Variants in WNK1 observed in about 807,000 individuals in gnomAD.
WNK1 encodes WNK lysine deficient protein kinase 1, also known as serine/threonine-protein kinase WNK1.
A neutral mutation model predicts 222.8 loss-of-function variants in WNK1; 38 were observed. The observed-to-expected ratio is 0.17, with a 90% CI of 0.13 to 0.22. The LOEUF (loss-of-function observed/expected upper bound fraction) is 0.22, where lower values mean the gene tolerates loss of function less well. Among genes scored for constraint, WNK1 ranks in the 10% least tolerant of loss-of-function variants. The probability of loss-of-function intolerance (pLI) is 1.00; values close to 1 mark genes in which losing one functional copy is unlikely to be tolerated. For missense variants in WNK1, 2,348 were observed against 2,918.4 expected (o/e 0.80, Z 4.50); for synonymous variants, 1,090 against 1,092.9 (o/e 1.00, Z 0.05).
rs778874899 is a variant in WNK1, at chr12:859,293, A to G, written c.1449A>G (p.Thr483=). Residue 483 remains threonine (T), a synonymous_variant, in exon 6 of 28, where the codon ACA becomes ACG. Coordinates refer to ENST00000315939, the MANE Select transcript of WNK1 (RefSeq NM_018979.4). Reference sequence around the variant, plus strand: ...ACCATGCCTTCTTCCAAGAGGAAACAGGAGTACGGGTAGAATTAGCAGAAG... The same window carrying G: ...ACCATGCCTTCTTCCAAGAGGAAACGGGAGTACGGGTAGAATTAGCAGAAG... ...LLNHAFFQEE[T]GVRVELAEED... is the part of the protein sequence containing the mutation. 5 of 1,613,772 alleles carry G rather than the reference A, an allele frequency of 3.1e-6. No homozygotes were observed. The highest frequency in any genetic ancestry group is 1.3e-5 in the African/African-American group (1 of 74,922).
chr12:829,867 C>A (rs1451352753), intron 3 of WNK1, 136 bp from the exon 4 acceptor site: 1 of 888,054 alleles, frequency 1.1e-6, no homozygotes, highest in African/African-American at 1.7e-5. Context: ...TTTCCTTCCT[C>A]TTTTCTCCCC....
intron 4 of WNK1, among the ~76,000 whole-genome samples, chr12:852,892 A>T (rs1175094589): frequency 3.9e-5 from 6 of 152,194 alleles, no homozygotes; most frequent in African/African-American, 1.4e-4. Context: ...TAATCATTCC[A>T]TGTACACATT....
chr12:878,090 A>G (rs1952789180), intron 9 of WNK1, 122 bp from the exon 10 acceptor site: 1 of 1,285,396 alleles, frequency 7.8e-7, no homozygotes, highest in South Asian at 1.2e-5. Context: ...GGGTTTGTGC[A>G]TGTCTTGATT....
intron 9 of WNK1, among the ~76,000 whole-genome samples, chr12:877,101 T>A (rs958064023): frequency 3.6e-5 from 5 of 140,484 alleles, no homozygotes; most frequent in African/African-American, 1.3e-4. Context: ...TTCGATCTTG[T>A]TGCCCATGCT....
chr12:872,931 G>A (rs555111088), intron 9 of WNK1, among the ~76,000 whole-genome samples: 7 of 152,296 alleles, frequency 4.6e-5, no homozygotes, highest in East Asian at 1.9e-4. Flanking sequence ...CATTCACTCC[G>A]TGAACTGAAG....
intron 1 of WNK1, among the ~76,000 whole-genome samples, chr12:761,729 A>C (rs1003222801): frequency 1.4e-5 from 2 of 148,056 alleles, no homozygotes; most frequent in Non-Finnish European, 3.0e-5. Flanking sequence ...TTTGAGCTAC[A>C]TAACCTGATA....
intron 4 of WNK1, among the ~76,000 whole-genome samples, chr12:832,977 CCT>C (rs1322355964): frequency 6.6e-6 from 1 of 152,064 alleles, no homozygotes; most frequent in African/African-American, 2.4e-5. Context: ...TTATTATTCC[CCT>C]TTCTTCCCCT....
intron 1 of WNK1, among the ~76,000 whole-genome samples, chr12:759,785 C>T (rs1940762486): frequency 6.8e-6 from 1 of 147,742 alleles, no homozygotes; most frequent in African/African-American, 2.4e-5. Context: ...AATTGTGTCA[C>T]CTTGAGCAAG....
At chr12:821,041 A>AGTT (rs1947825298) in intron 2 of WNK1, among the ~76,000 whole-genome samples, 1 of 44,824 alleles carries the variant, frequency 2.2e-5, no homozygotes, top group African/African-American at 9.4e-5. Context: ...TAGTTTCTTG[A>AGTT]GTTTTTTTTT....
At position 846,048 on chromosome 12, in the gene WNK1, G is replaced by T. The variant is rs190496266; in HGVS notation, c.1312-11113G>T. On this transcript the variant is annotated intron_variant, in intron 4 of 27. Transcript: ENST00000315939. ...AATAGTAGTCAGAAACCAAGGTTCT[G>T]TTAACATGATACTAATACAAACATT... Among the ~76,000 whole-genome samples the T allele has an allele frequency of 3.7e-3, 560 of 152,314 alleles. 2 individuals are homozygous for T. The highest frequency in any genetic ancestry group is 0.01 in the Middle Eastern group (3 of 294).
intron 26 of WNK1, chr12:901,524 C>A: frequency 2.4e-6 from 3 of 1,273,024 alleles, no homozygotes; most frequent in Non-Finnish European, 3.1e-6. Context: ...TGTCTCTTCT[C>A]CTCTCTCTGT....
At chr12:790,159 A>G (rs1158224987) in intron 1 of WNK1, among the ~76,000 whole-genome samples, 1 of 152,250 alleles carries the variant, frequency 6.6e-6, no homozygotes. Context: ...CACTCTTGCG[A>G]GATGGGGAAG....
At chr12:856,071 C>G (rs1950762744) in intron 4 of WNK1, among the ~76,000 whole-genome samples, 2 of 151,826 alleles carry the variant, frequency 1.3e-5, no homozygotes, top group African/African-American at 4.8e-5. Flanking sequence ...ATCTCTTGAC[C>G]TCGTGATCTG....
Position 877,984 on chromosome 12 carries a change from A to G in WNK1, c.2224-228A>G, listed in dbSNP as rs564042037. ...GATAATTGGGTGAAGAGCCAATGGT[A>G]ACTTGAGTATTAAAAGATTGGTTAA... On this transcript the variant is annotated intron_variant, in intron 9 of 27. Transcript: ENST00000315939. The G allele has an allele frequency of 5.3e-6, 3 of 562,476 alleles. No individual in the cohort carries two copies. The East Asian group carries it at 9.6e-5, about 18-fold the overall frequency. 34.8% of individuals were successfully genotyped at this position (562,476 alleles called of 1,614,324 possible). A position where few individuals can be genotyped will look rare whatever the true frequency, so the allele number is the denominator to read the frequency against.
In WNK1 at chr12:787,901, C is replaced by G. The variant is rs538866772; in HGVS notation, c.760-25741C>G. ...ATCAGGTTTCTCCAAGGCAACAAAA[C>G]CATTAGGAGATTTTGTATATAACAG... On this transcript the variant is annotated intron_variant, in intron 1 of 27. Coordinates refer to ENST00000315939, the MANE Select transcript of WNK1 (RefSeq NM_018979.4). Among the ~76,000 whole-genome samples the G allele has an allele frequency of 2.0e-5, 3 of 152,196 alleles. No homozygotes were observed. In the South Asian group the frequency reaches 6.2e-4, roughly 32 times the overall value.
Position 906,293 on chromosome 12 carries a change from C to T in WNK1, c.6644-1554C>T, listed in dbSNP as rs72650800. ...ACTCTTCTTTCCCTCTTCCCCAAAA[C>T]GTGCCTCTTGGAATAATCTTCAGTG... On this transcript the variant is annotated intron_variant, in intron 26 of 27. Coordinates refer to ENST00000315939, the MANE Select transcript of WNK1 (RefSeq NM_018979.4). 6.4e-3 allele frequency: 6,293 copies of T among 984,384 alleles called. 22 individuals are homozygous for T. The highest frequency in any genetic ancestry group is 8.4e-3 in the Middle Eastern group (16 of 1,914). The allele number at this position is 984,384 out of a possible 1,614,324, so 61.0% of individuals were successfully genotyped here.
Position 884,549 on chromosome 12 carries a change from A to G in WNK1, c.3845-100A>G, listed in dbSNP as rs1489027117. 1.7e-5 allele frequency: 22 copies of G among 1,265,250 alleles called. No individual in the cohort carries two copies. Among genetic ancestry groups the G allele is most frequent in the Non-Finnish European group, 2.4e-5 (21 of 886,864 alleles). The allele number at this position is 1,265,250 out of a possible 1,614,324, so 78.4% of individuals were successfully genotyped here. On this transcript the variant is annotated intron_variant, in intron 18 of 27. Coordinates refer to ENST00000315939, the MANE Select transcript of WNK1 (RefSeq NM_018979.4). This position sits in a 1 kb window ranked among gnomAD's most constrained non-coding sequence, Gnocchi z 5.6. ...TAAGATTACTCCATATTTTTTATCAAAAACAGATATTTATAGGAGCTGACT... is the reference window on the plus strand; with the variant it reads ...TAAGATTACTCCATATTTTTTATCAGAAACAGATATTTATAGGAGCTGACT...
intron 1 of WNK1, among the ~76,000 whole-genome samples, chr12:768,199 T>G (rs550149444): frequency 6.6e-6 from 1 of 152,234 alleles, no homozygotes; most frequent in South Asian, 2.1e-4. Context: ...AGTAGAGAGA[T>G]ATATTGGCTC....
intron 8 of WNK1, among the ~76,000 whole-genome samples, chr12:870,114 G>A (rs1952014492): frequency 6.6e-6 from 1 of 152,126 alleles, no homozygotes; most frequent in African/African-American, 2.4e-5. Flanking sequence ...AGTACTATGT[G>A]TTGTTCTTCC....
Sources: gnomAD v4.1 joint callset for allele counts (sites outside exome capture counted in the v4.1 genomes callset) on GRCh38, gnomAD v4.1.1 for gene constraint, Gnocchi (gnomAD v3.1) non-coding constraint, MANE v1.5 for transcripts, NCBI Gene and HGNC (gene_info 2026-07-23, HGNC 2026-07-21) for gene names.